The following GSDME variants were observed in gnomAD, a reference collection of about 807,000 sequenced individuals.
The protein encoded by GSDME is gasdermin-E.
GSDME carries 44 observed loss-of-function variants against 47.5 expected under a neutral mutation model. The observed-to-expected ratio is 0.93, with a 90% CI of 0.73 to 1.19. The LOEUF (loss-of-function observed/expected upper bound fraction) is 1.19. Among genes scored for constraint, GSDME ranks in the 50% most tolerant of loss-of-function variants. The pLI, the probability that GSDME is intolerant of heterozygous loss-of-function variation, is 0.00. For missense variants in GSDME, 663 were observed against 604.2 expected (o/e 1.10, Z -1.02); for synonymous variants, 258 against 252.8 (o/e 1.02, Z -0.20).
intron 3 of GSDME, among the ~76,000 whole-genome samples, chr7:24,730,908 G>A (rs550825155): frequency 7.9e-5 from 12 of 152,226 alleles, no homozygotes; most frequent in African/African-American, 2.6e-4. Context: ...AGTATTGGAG[G>A]GTCCCCAGCA....
chr7:24,748,162 A>T (rs13308214), intron 2 of GSDME, among the ~76,000 whole-genome samples: 10,114 of 97,606 alleles, frequency 0.1, 471 homozygotes, highest in African/African-American at 0.27. Context: ...ATATATATAT[A>T]TATATATTTT....
chr7:24,792,346 T>TG, the GSDME span, among the ~76,000 whole-genome samples: 3 of 152,154 alleles, frequency 2.0e-5, no homozygotes, highest in South Asian at 2.1e-4. Context: ...AGCTGTATAT[T>TG]GGGGGGCAAG....
In GSDME at chr7:24,726,835, G is replaced by A. The variant is rs1584081331; in HGVS notation, c.405-7617C>T. Among the ~76,000 whole-genome samples the A allele has an allele frequency of 2.0e-5, 3 of 150,338 alleles. No homozygotes were observed. Among genetic ancestry groups the A allele is most frequent in the East Asian group, 2.0e-4 (1 of 5,110 alleles). ...AAAAAAAAAAAAAACCAATGGCCTC[G>A]AGGAAGAGTTTCCAATGGAAACCCT... is the stretch of plus-strand genomic sequence containing the variant. On this transcript the variant is annotated intron_variant, in intron 3 of 9. Transcript: ENST00000645220. This position sits in a 1 kb window ranked among gnomAD's most constrained non-coding sequence, Gnocchi z 5.6.
intron 3 of GSDME, chr7:24,743,986 G>A (rs1790569398): frequency 5.7e-6 from 1 of 174,594 alleles, no homozygotes; most frequent in Non-Finnish European, 1.2e-5. Flanking sequence ...AACAGTACAT[G>A]GCACATAGGA....
chr7:24,707,354 G>A (rs1435341770), intron 7 of GSDME: 1 of 471,360 alleles, frequency 2.1e-6, no homozygotes, highest in Non-Finnish European at 4.4e-6. Context: ...TGGAGGGTTG[G>A]CAGCTTGTGT....
chr7:24,773,646 AC>A, the GSDME span, among the ~76,000 whole-genome samples: 1 of 151,982 alleles, frequency 6.6e-6, no homozygotes, highest in Non-Finnish European at 1.5e-5. This position sits in a 1 kb window ranked among gnomAD's most constrained non-coding sequence, Gnocchi z 5.4. Context: ...TCTCTCCCCC[AC>A]CTTTCTAAGA....
intron 6 of GSDME, among the ~76,000 whole-genome samples, chr7:24,709,439 G>A (rs1350594472): frequency 6.6e-6 from 1 of 152,154 alleles, no homozygotes; most frequent in Non-Finnish European, 1.5e-5. Context: ...GGCCTTTGTT[G>A]TCATTTCTTC....
intron 9 of GSDME, among the ~76,000 whole-genome samples, chr7:24,701,208 T>C (rs1032570262): frequency 3.9e-5 from 6 of 152,222 alleles, no homozygotes; most frequent in Non-Finnish European, 5.9e-5. Context: ...CCTCGATGTC[T>C]TAAATAGAGC....
At chr7:24,710,109 ATATGTTT>A in intron 6 of GSDME, 108 bp downstream of exon 6, 1 of 1,183,788 alleles carries the variant, frequency 8.4e-7, no homozygotes, top group South Asian at 1.2e-5. Flanking sequence ...CTCTCTTCTC[ATATGTTT>A]TCTGTGAGTC....
At chr7:24,701,031 AATGTGTTAGT>A (rs1188041448) in intron 9 of GSDME, among the ~76,000 whole-genome samples, 1 of 152,180 alleles carries the variant, frequency 6.6e-6, no homozygotes, top group Non-Finnish European at 1.5e-5. Flanking sequence ...AGTTCTTGGA[AATGTGTTAGT>A]GTATCTGGCA....
At position 24,732,075 on chromosome 7, in the gene GSDME, G is replaced by A. The variant is rs1790164445; in HGVS notation, c.404+12487C>T. Among the ~76,000 whole-genome samples, 1 of 152,216 alleles carries A rather than the reference G, an allele frequency of 6.6e-6. No individual in the cohort carries two copies. Among genetic ancestry groups the A allele is most frequent in the African/African-American group, 2.4e-5 (1 of 41,452 alleles). Reference sequence around the variant, plus strand: ...ACCAGTTACACCTGCCCTGGAAGGAGAAACACAGCAAAAAGAGAATCAGCG... The same window carrying A: ...ACCAGTTACACCTGCCCTGGAAGGAAAAACACAGCAAAAAGAGAATCAGCG... On this transcript the variant is annotated intron_variant, in intron 3 of 9. Transcript: ENST00000645220. The surrounding 1 kb of genome is among the most constrained non-coding windows in gnomAD (Gnocchi z 4.8).
chr7:24,786,870 G>A, the GSDME span, among the ~76,000 whole-genome samples: 2 of 152,210 alleles, frequency 1.3e-5, no homozygotes, highest in South Asian at 4.1e-4. This position sits in a 1 kb window ranked among gnomAD's most constrained non-coding sequence, Gnocchi z 5.5. Context: ...GCAGTCGGCT[G>A]TGGTCATGCA....
chr7:24,750,665 T>C (rs1790829167), intron 1 of GSDME, among the ~76,000 whole-genome samples: 2 of 152,206 alleles, frequency 1.3e-5, no homozygotes, highest in African/African-American at 4.8e-5. Flanking sequence ...CTGACTATCA[T>C]AATAGATAGC....
At chr7:24,790,947 A>G in the GSDME span, among the ~76,000 whole-genome samples, 1 of 152,244 alleles carries the variant, frequency 6.6e-6, no homozygotes, top group Non-Finnish European at 1.5e-5. The surrounding 1 kb of genome is among the most constrained non-coding windows in gnomAD (Gnocchi z 4.1). Flanking sequence ...ATACAAGTCC[A>G]AAATTTAAGG....
intron 5 of GSDME, among the ~76,000 whole-genome samples, chr7:24,715,790 G>A (rs138271046): frequency 6.6e-6 from 1 of 152,142 alleles, no homozygotes; most frequent in Non-Finnish European, 1.5e-5. Flanking sequence ...AGCATTTCTT[G>A]GTCCCTGACA....
chr7:24,755,049 G>T (rs983064295), intron 1 of GSDME, among the ~76,000 whole-genome samples: 1 of 152,214 alleles, frequency 6.6e-6, no homozygotes, highest in Non-Finnish European at 1.5e-5. Flanking sequence ...TAGGCAGTGT[G>T]AGGAAGCTGA....
the GSDME span, among the ~76,000 whole-genome samples, chr7:24,786,709 G>A: frequency 3.2e-4 from 48 of 152,310 alleles, no homozygotes; most frequent in African/African-American, 1.1e-3. The surrounding 1 kb of genome is among the most constrained non-coding windows in gnomAD (Gnocchi z 5.5). Context: ...GTTTGGGATG[G>A]TGAAAAAGTT....
At chr7:24,746,187 C>T (rs1790661780) in intron 2 of GSDME, among the ~76,000 whole-genome samples, 1 of 152,212 alleles carries the variant, frequency 6.6e-6, no homozygotes, top group South Asian at 2.1e-4. Flanking sequence ...ATCTCCTGTA[C>T]CACCAGCCCA....
intron 3 of GSDME, among the ~76,000 whole-genome samples, chr7:24,738,024 G>A (rs1020247594): frequency 3.0e-4 from 45 of 152,138 alleles, no homozygotes; most frequent in African/African-American, 1.0e-3. Flanking sequence ...GTATCATACT[G>A]AAATGGAGAA....
Sources: allele counts gnomAD v4.1 joint callset (sites outside exome capture counted in the v4.1 genomes callset), GRCh38; gene constraint gnomAD v4.1.1; non-coding constraint Gnocchi (gnomAD v3.1); transcripts MANE v1.5; gene names NCBI Gene and HGNC (gene_info 2026-07-23, HGNC 2026-07-21).